PHKB: variants seen among roughly 807,000 people sequenced by gnomAD.
PHKB encodes the protein phosphorylase b kinase regulatory subunit beta.
PHKB carries 122 observed loss-of-function variants against 152.1 expected under a neutral mutation model. That is an observed-to-expected ratio of 0.80 (90% CI 0.69 to 0.93). The LOEUF is 0.93. Among genes scored for constraint, PHKB ranks in the 40% least tolerant of loss-of-function variants. The probability of loss-of-function intolerance (pLI) is 0.00; values close to 1 mark genes in which losing one functional copy is unlikely to be tolerated. For synonymous variants in PHKB, 436 were observed against 464.9 expected (o/e 0.94, Z 0.80); for missense variants, 1,304 against 1,328.4 (o/e 0.98, Z 0.29).
intron 27 of PHKB, among the ~76,000 whole-genome samples, chr16:47,691,939 A>C (rs866597785): frequency 3.3e-5 from 5 of 152,312 alleles, no homozygotes; most frequent in African/African-American, 9.6e-5. Flanking sequence ...TATAACTCCA[A>C]AAACATATTT....
chr16:47,601,231 A>G (rs1972220154), intron 13 of PHKB, among the ~76,000 whole-genome samples: 2 of 152,214 alleles, frequency 1.3e-5, no homozygotes, highest in African/African-American at 4.8e-5. Flanking sequence ...AATTGCTTGA[A>G]AATCTTGATG....
chr16:47,574,955 C>T (rs1450671933), intron 7 of PHKB, among the ~76,000 whole-genome samples: 1 of 152,138 alleles, frequency 6.6e-6, no homozygotes, highest in Non-Finnish European at 1.5e-5. Context: ...ATAGAACTTC[C>T]AGTACTATGT....
intron 1 of PHKB, among the ~76,000 whole-genome samples, chr16:47,476,825 CTT>C (rs1969877073): frequency 6.6e-6 from 1 of 152,138 alleles, no homozygotes; most frequent in South Asian, 2.1e-4. Context: ...ACAGATATAT[CTT>C]CTAGAGTTTG....
At position 47,526,138 on chromosome 16, in the gene PHKB, G is replaced by A. The variant is rs555737703; in HGVS notation, c.594+10537G>A. On this transcript the variant is annotated intron_variant, in intron 6 of 30. Transcript: ENST00000323584. ...AAAAATGACTAGGCCATCTGGGTGC[G>A]GTGGCTCATGCCCGTAATCCCAGCA... 6.6e-5 allele frequency among the ~76,000 whole-genome samples: 10 copies of A among 152,244 alleles called. No homozygotes were observed. In the South Asian group the frequency reaches 1.0e-3, roughly 16 times the overall value.
At chr16:47,502,400 A>C (rs966779339) in intron 3 of PHKB, among the ~76,000 whole-genome samples, 1 of 152,208 alleles carries the variant, frequency 6.6e-6, no homozygotes, top group Non-Finnish European at 1.5e-5. Context: ...AGAGATGTAA[A>C]ATATGCTCAA....
At chr16:47,559,948 G>A (rs947599027) in intron 7 of PHKB, among the ~76,000 whole-genome samples, 1 of 152,172 alleles carries the variant, frequency 6.6e-6, no homozygotes, top group Non-Finnish European at 1.5e-5. Context: ...GACCTGCAAA[G>A]AGCCTGCTGC....
intron 16 of PHKB, among the ~76,000 whole-genome samples, chr16:47,648,203 C>G (rs1973169029): frequency 4.6e-5 from 7 of 151,952 alleles, no homozygotes; most frequent in Admixed American, 4.6e-4. Flanking sequence ...TGTTAAACAA[C>G]TGGATTTTTT....
At chr16:47,518,835 T>C (rs1970639748) in intron 6 of PHKB, among the ~76,000 whole-genome samples, 1 of 152,208 alleles carries the variant, frequency 6.6e-6, no homozygotes. Flanking sequence ...TTACATCTGT[T>C]GGAGGGGGGC....
intron 7 of PHKB, chr16:47,566,729 G>GA: frequency 2.6e-6 from 2 of 764,736 alleles, no homozygotes; most frequent in South Asian, 2.7e-5. Flanking sequence ...CATCATTACT[G>GA]TTCCAAGTTG....
At chr16:47,617,460 G>A (rs1023343674) in intron 14 of PHKB, among the ~76,000 whole-genome samples, 2 of 151,678 alleles carry the variant, frequency 1.3e-5, no homozygotes, top group Non-Finnish European at 2.9e-5. Context: ...CCTCCCTCCA[G>A]CCCCTGGTAA....
intron 6 of PHKB, among the ~76,000 whole-genome samples, chr16:47,539,776 T>G (rs1971019514): frequency 6.6e-6 from 1 of 152,210 alleles, no homozygotes; most frequent in South Asian, 2.1e-4. Context: ...CCATAATTTC[T>G]TACATCAGTC....
At chr16:47,682,144 G>A (rs2142094363) in intron 26 of PHKB, among the ~76,000 whole-genome samples, 1 of 152,244 alleles carries the variant, frequency 6.6e-6, no homozygotes, top group Middle Eastern at 3.4e-3. Flanking sequence ...TTAGTCTGAT[G>A]GCCTTCCCTT....
intron 14 of PHKB, among the ~76,000 whole-genome samples, chr16:47,620,888 T>TA (rs1177173593): frequency 1.3e-5 from 2 of 150,800 alleles, no homozygotes; most frequent in African/African-American, 2.4e-5. Context: ...AAATAAAAAA[T>TA]ATAAAAAAAA....
At chr16:47,664,854 C>T (rs1234434632) in intron 24 of PHKB, 31 bp from the exon 25 acceptor site, 2 of 1,442,738 alleles carry the variant, frequency 1.4e-6, no homozygotes, top group African/African-American at 2.8e-5. Flanking sequence ...ACTCTATTTT[C>T]CCTTTTATGG....
At chr16:47,603,524 G>A (rs920693289) in intron 13 of PHKB, among the ~76,000 whole-genome samples, 1 of 143,136 alleles carries the variant, frequency 7.0e-6, no homozygotes, top group African/African-American at 2.6e-5. Flanking sequence ...TTTTTTTGGA[G>A]ATGGAGTCTC....
chr16:47,506,185 CA>C (rs1271698464), intron 4 of PHKB, among the ~76,000 whole-genome samples: 16 of 125,628 alleles, frequency 1.3e-4, no homozygotes, highest in South Asian at 2.5e-4. Flanking sequence ...GACTCCGCCT[CA>C]AAAAAAAAAG....
At chr16:47,688,485 T>A (rs1974003624) in intron 26 of PHKB, among the ~76,000 whole-genome samples, 1 of 152,222 alleles carries the variant, frequency 6.6e-6, no homozygotes. Flanking sequence ...CAACTATAAC[T>A]AAGTTATAAC....
intron 6 of PHKB, among the ~76,000 whole-genome samples, chr16:47,534,211 A>G (rs1281180568): frequency 2.6e-5 from 4 of 152,218 alleles, no homozygotes; most frequent in Non-Finnish European, 5.9e-5. Flanking sequence ...CACCGCTGCC[A>G]TCACTAGCTT....
chr16:47,689,099 T>C lies in PHKB; in HGVS notation c.2689T>C (p.Leu897=), dbSNP rs369059693. ...GATCCGTGGCGGAGACAAGCCAGCC[T>C]TGGACTTGTATCAGCTGTCACCTAG... ...LQIRGGDKPA[L]DLYQLSPSEV... Residue 897 remains leucine, a synonymous_variant, in exon 27 of 31, where the codon TTG becomes CTG. Transcript: ENST00000323584. The C allele has an allele frequency of 1.1e-5, 18 of 1,613,786 alleles. No homozygotes were observed. The African/African-American group carries it at 2.0e-4, about 18-fold the overall frequency.
Sources: gnomAD v4.1 joint callset for allele counts (sites outside exome capture counted in the v4.1 genomes callset) on GRCh38, gnomAD v4.1.1 for gene constraint, MANE v1.5 for transcripts, NCBI Gene and HGNC (gene_info 2026-07-23, HGNC 2026-07-21) for gene names.